The following HPS3 variants were observed in gnomAD, a reference collection of about 807,000 sequenced individuals.
HPS3 encodes the protein BLOC-2 complex member HPS3.
A neutral mutation model predicts 110.9 loss-of-function variants in HPS3; 79 were observed. The observed-to-expected ratio is 0.71, with a 90% CI of 0.59 to 0.86. The LOEUF is 0.86. Among genes scored for constraint, HPS3 ranks in the 40% least tolerant of loss-of-function variants. The probability of loss-of-function intolerance (pLI) is 0.00; values close to 1 mark genes in which losing one functional copy is unlikely to be tolerated. For missense variants in HPS3, 1,197 were observed against 1,206.2 expected, an observed-to-expected ratio of 0.99 and a Z score of 0.11; for synonymous variants, 428 against 451.0, an observed-to-expected ratio of 0.95 and a Z score of 0.65.
In HPS3 at chr3:149,129,799, T is replaced by G; in HGVS notation, c.76T>G (p.Cys26Gly). 1 of 1,608,982 alleles carries G rather than the reference T, an allele frequency of 6.2e-7. No homozygotes were observed. Reference sequence around the variant, plus strand: ...CTGCAAGCTGGAGCCGGACCGGTTCTGTGGCGGGGGGCGTGACGCGCTTTT... The same window carrying G: ...CTGCAAGCTGGAGCCGGACCGGTTCGGTGGCGGGGGGCGTGACGCGCTTTT... The part of the protein sequence containing the change: ...VPCKLEPDRF[C>G]GGGRDALFVA... The change falls in exon 1 of 17, where the codon TGT (cysteine) becomes GGT (glycine). Residue 26 changes from cysteine to glycine, a missense_variant. Physicochemically the swap from Cys to Gly is radical, Grantham distance 159. Transcript: ENST00000296051.
In HPS3 at chr3:149,145,408, T is replaced by C. The variant is rs1722731226; in HGVS notation, c.1025T>C (p.Leu342Pro). 15 of 1,614,122 alleles carry C rather than the reference T, an allele frequency of 9.3e-6. No homozygotes were observed. Among genetic ancestry groups the C allele is most frequent in the Non-Finnish European group, 1.2e-5 (14 of 1,179,972 alleles). ...NLSQEKELLS[L>P]FCFFSLPHVG... ...TCTCAGGAAAAAGAATTGCTGAGTC[T>C]CTTTTGCTTTTTCTCCTTACCTCAT... is the stretch of plus-strand genomic sequence containing the variant. Residue 342 changes from leucine to proline, a missense_variant, in exon 5 of 17, where the codon CTC becomes CCC. Transcript: ENST00000296051.
chr3:149,147,959 C>A (rs1722875399), intron 5 of HPS3, among the ~76,000 whole-genome samples: 1 of 152,124 alleles, frequency 6.6e-6, no homozygotes, highest in Non-Finnish European at 1.5e-5. Context: ...CAACCTCTGC[C>A]TCCCGGGTTT....
intron 1 of HPS3, among the ~76,000 whole-genome samples, chr3:149,134,320 AGAG>A (rs1721948874): frequency 6.6e-6 from 1 of 152,192 alleles, no homozygotes; most frequent in Non-Finnish European, 1.5e-5. Context: ...CTCACTTTCA[AGAG>A]TTCTACTGAG....
chr3:149,157,511 C>T lies in HPS3; in HGVS notation c.1671C>T (p.His557=), dbSNP rs758952091. The part of the protein sequence containing the change: ...LLEAFKESCG[H]LGDCYSRLDS... ...AAGCATTTAAGGAAAGCTGTGGGCA[C>T]CTTGGGGACTGTTACAGCAGGTGGG... The change falls in exon 9 of 17, where the codon CAC becomes CAT. Residue 557 remains histidine (H), a synonymous_variant. Transcript: ENST00000296051. 3.1e-6 allele frequency: 5 copies of T among 1,613,720 alleles called. No homozygotes were observed. Among genetic ancestry groups the T allele is most frequent in the South Asian group, 2.2e-5 (2 of 91,076 alleles).
rs1328405450 is a variant in HPS3 at position 149,157,422 on chromosome 3, T to C, written c.1582T>C (p.Leu528=). ...CIHLLSEAHL[L]VRAALMDASQ... Reference sequence around the variant, plus strand: ...TCACCTTCTCAGTGAGGCTCATCTGTTAGTGCGAGCTGCCCTGATGGATGC... The same window carrying C: ...TCACCTTCTCAGTGAGGCTCATCTGCTAGTGCGAGCTGCCCTGATGGATGC... Residue 528 remains leucine, a synonymous_variant, in exon 9 of 17, where the codon TTA becomes CTA. Coordinates refer to ENST00000296051, the MANE Select transcript of HPS3 (RefSeq NM_032383.5). The C allele has an allele frequency of 1.2e-6, 2 of 1,613,784 alleles. No individual in the cohort carries two copies. The highest frequency in any genetic ancestry group is 1.7e-6 in the Non-Finnish European group (2 of 1,179,876).
chr3:149,148,949 CTTTTTTTTTT>C (rs140573513), intron 5 of HPS3, among the ~76,000 whole-genome samples: 1 of 102,454 alleles, frequency 9.8e-6, no homozygotes, highest in Non-Finnish European at 1.9e-5. Flanking sequence ...GGAACCCTGC[CTTTTTTTTTT>C]TTTTTTTTTT....
intron 1 of HPS3, among the ~76,000 whole-genome samples, chr3:149,136,931 T>A (rs1466429174): frequency 6.6e-6 from 1 of 152,212 alleles, no homozygotes; most frequent in African/African-American, 2.4e-5. Context: ...TACTAAATTA[T>A]GATACCAAAA....
Position 149,167,889 on chromosome 3 carries a change from A to G in HPS3, c.2797-4A>G. ...TAAAATTTATTCATTTTTTCCTAAG[A>G]TAGACTCTGTGGTGGAAAAAACTGT... On this transcript the variant is annotated splice_polypyrimidine_tract_variant and splice_region_variant and intron_variant, in intron 15 of 16. Coordinates refer to ENST00000296051, the MANE Select transcript of HPS3 (RefSeq NM_032383.5). 2 of 1,564,534 alleles carry G rather than the reference A, an allele frequency of 1.3e-6. No individual in the cohort carries two copies. Among genetic ancestry groups the G allele is most frequent in the Non-Finnish European group, 1.8e-6 (2 of 1,134,884 alleles).
At chr3:149,146,263 CA>C (rs1722774785) in intron 5 of HPS3, among the ~76,000 whole-genome samples, 1 of 152,110 alleles carries the variant, frequency 6.6e-6, no homozygotes, top group African/African-American at 2.4e-5. Flanking sequence ...CTTTCTAAAG[CA>C]ACAATAGAAG....
At chr3:149,132,292 C>CA (rs1337948093) in intron 1 of HPS3, among the ~76,000 whole-genome samples, 7 of 152,186 alleles carry the variant, frequency 4.6e-5, no homozygotes, top group Non-Finnish European at 8.8e-5. Flanking sequence ...TGCCTGGCTT[C>CA]AAAGAACAGG....
At position 149,173,194 on chromosome 3, in the gene HPS3, A is replaced by C. The variant is rs148756469; in HGVS notation, c.*972A>C. 2 of 152,426 alleles carry C rather than the reference A, an allele frequency of 1.3e-5. No homozygotes were observed. The highest frequency in any genetic ancestry group is 3.8e-4 in the East Asian group (2 of 5,200). 9.4% of individuals were successfully genotyped at this position (152,426 alleles called of 1,614,324 possible). On this transcript the variant is annotated 3_prime_UTR_variant, in exon 17 of 17. Transcript: ENST00000296051. Reference sequence around the variant, plus strand: ...TCTCCAGTTCCAGATAACGTCCTTAAGACCATCTGTTCAGGGGTTCACAAA... The same window carrying C: ...TCTCCAGTTCCAGATAACGTCCTTACGACCATCTGTTCAGGGGTTCACAAA...
chr3:149,154,821 T>C (rs1723339400), intron 7 of HPS3, among the ~76,000 whole-genome samples: 1 of 152,224 alleles, frequency 6.6e-6, no homozygotes, highest in Admixed American at 6.5e-5. Context: ...TTCCTCTTGA[T>C]GGGACTTGCC....
At chr3:149,131,256 A>G (rs928930600) in intron 1 of HPS3, among the ~76,000 whole-genome samples, 4 of 152,176 alleles carry the variant, frequency 2.6e-5, no homozygotes, top group African/African-American at 9.7e-5. Context: ...AAGTAAAGAC[A>G]TATACAGGCA....
intron 1 of HPS3, among the ~76,000 whole-genome samples, chr3:149,131,597 G>A (rs565719607): frequency 1.3e-5 from 2 of 152,226 alleles, no homozygotes; most frequent in East Asian, 1.9e-4. Flanking sequence ...TGCTCTGATC[G>A]TCTCTGCCTG....
rs969561466 is a variant in HPS3, at chr3:149,167,152, A to C, written c.2708A>C (p.Glu903Ala). The C allele has an allele frequency of 6.2e-7, 1 of 1,613,820 alleles. No homozygotes were observed. The change falls in exon 15 of 17, where the codon GAG (glutamate) becomes GCG (alanine). Residue 903 changes from glutamate to alanine, a missense_variant. Transcript: ENST00000296051. Reference sequence around the variant, plus strand: ...GTTCTGTGTCGTACACGCTTGAAAGAGTATGAACAGTGCATAGACATACTG... The same window carrying C: ...GTTCTGTGTCGTACACGCTTGAAAGCGTATGAACAGTGCATAGACATACTG... Reference protein sequence around the residue: ...VHVLCRTRLKEYEQCIDILLE... With the variant: ...VHVLCRTRLKAYEQCIDILLE...
intron 1 of HPS3, among the ~76,000 whole-genome samples, chr3:149,132,420 T>C (rs915205336): frequency 5.9e-5 from 9 of 152,172 alleles, no homozygotes; most frequent in African/African-American, 2.2e-4. Context: ...TGCCTGTGCT[T>C]TAGAATGAAA....
At chr3:149,167,574 A>T (rs192504166) in intron 15 of HPS3, among the ~76,000 whole-genome samples, 151 of 152,286 alleles carry the variant, frequency 9.9e-4, no homozygotes, top group African/African-American at 3.5e-3. Context: ...TTTGGACCTT[A>T]GTTCTTTTTT....
chr3:149,167,581 T>A (rs566593779), intron 15 of HPS3, among the ~76,000 whole-genome samples: 2 of 152,338 alleles, frequency 1.3e-5, no homozygotes, highest in African/African-American at 4.8e-5. Flanking sequence ...CTTAGTTCTT[T>A]TTTTTCTTCA....
intron 1 of HPS3, chr3:149,130,234 T>C: frequency 1.9e-6 from 1 of 516,062 alleles, no homozygotes; most frequent in Non-Finnish European, 3.5e-6. Flanking sequence ...TCTCGGATAC[T>C]TAAGCAAACA....
Sources: allele counts gnomAD v4.1 joint callset (sites outside exome capture counted in the v4.1 genomes callset), GRCh38; gene constraint gnomAD v4.1.1; transcripts MANE v1.5; gene names NCBI Gene and HGNC (gene_info 2026-07-23, HGNC 2026-07-21).